SS18: variants seen among roughly 807,000 people sequenced by gnomAD.
SS18 encodes the protein protein SSXT.
A neutral mutation model predicts 72.5 loss-of-function variants in SS18; 28 were observed. The ratio of observed to expected loss-of-function variants is 0.39; its 90% confidence interval spans 0.29 to 0.53. The LOEUF (loss-of-function observed/expected upper bound fraction) is 0.53, where lower values mean the gene tolerates loss of function less well. Among genes scored for constraint, SS18 ranks in the 20% least tolerant of loss-of-function variants. The pLI is 0.76. For missense variants in SS18, 518 were observed against 535.3 expected, an observed-to-expected ratio of 0.97 and a Z score of 0.32; for synonymous variants, 172 against 164.2, an observed-to-expected ratio of 1.05 and a Z score of -0.37.
intron 7 of SS18, among the ~76,000 whole-genome samples, chr18:26,036,886 T>A (rs1375151081): frequency 6.6e-6 from 1 of 152,144 alleles, no homozygotes; most frequent in East Asian, 1.9e-4. Flanking sequence ...AATACAGTCA[T>A]GCCTATTCAT....
At position 26,035,919 on chromosome 18, in the gene SS18, AT is replaced by A; in HGVS notation, c.884del (p.His295LeufsTer132). On this transcript the variant is annotated frameshift_variant, in exon 8 of 11. Coordinates refer to ENST00000415083, the MANE Select transcript of SS18 (RefSeq NM_001007559.3). LOFTEE classifies it high-confidence loss of function. The surrounding 1 kb of genome is among the most constrained non-coding windows in gnomAD (Gnocchi z 4.4). ...ACGGTTGCTGATAACCGTAATCATT[AT>A]GACCTACATCAATTCGACAAGAGAC... ...GMNQQYYPDG[H>X]NDYGYQQPSY... 1 of 1,595,722 alleles carries A rather than the reference AT, an allele frequency of 6.3e-7. No individual in the cohort carries two copies. Among genetic ancestry groups the A allele is most frequent in the Non-Finnish European group, 8.6e-7 (1 of 1,168,476 alleles).
At chr18:26,061,315 A>AAAAT (rs71169808) in intron 3 of SS18, among the ~76,000 whole-genome samples, 2 of 152,194 alleles carry the variant, frequency 1.3e-5, no homozygotes, top group Non-Finnish European at 2.9e-5. Context: ...TCCGTCTCAA[A>AAAAT]AAATAAATAA....
chr18:26,042,366 C>T (rs1343826969), intron 5 of SS18, among the ~76,000 whole-genome samples: 1 of 152,066 alleles, frequency 6.6e-6, no homozygotes, highest in Non-Finnish European at 1.5e-5. Flanking sequence ...CACTACAAAG[C>T]GTGATAATAC....
chr18:26,042,183 G>A (rs1234428714), intron 5 of SS18, among the ~76,000 whole-genome samples: 2 of 152,106 alleles, frequency 1.3e-5, no homozygotes, highest in African/African-American at 2.4e-5. Flanking sequence ...ACTAAGAGAA[G>A]CAAACTCAAA....
chr18:26,077,754 T>C lies in SS18; in HGVS notation c.231+322A>G, dbSNP rs540126356. Reference sequence around the variant, plus strand: ...CAGAGATGCATATGGAAATACAGTATTTACTGGTCAAACTGTAAGATGTCT... The same window carrying C: ...CAGAGATGCATATGGAAATACAGTACTTACTGGTCAAACTGTAAGATGTCT... On this transcript the variant is annotated intron_variant, in intron 3 of 10. Coordinates refer to ENST00000415083, the MANE Select transcript of SS18 (RefSeq NM_001007559.3). 5.3e-5 allele frequency among the ~76,000 whole-genome samples: 8 copies of C among 152,226 alleles called. No homozygotes were observed. In the East Asian group the frequency reaches 1.4e-3, roughly 26 times the overall value.
chr18:26,018,363 G>T lies in SS18; in HGVS notation c.1248C>A (p.Tyr416Ter). ...YGYDQGQYGNYQQ is the reference protein window; with the variant it reads ...YGYDQGQYGN ...GAATGTAAGTACTTTTTCACTGCTG[G>T]TAATTTCCATACTGTCCCTAAAAGA... Residue 416 changes from tyrosine (Y) to a stop codon, truncating the protein, a stop_gained, in exon 11 of 11, where the codon TAC (tyrosine) becomes TAA (stop). Transcript: ENST00000415083. LOFTEE classifies it high-confidence loss of function. 1 of 1,599,990 alleles carries T rather than the reference G, an allele frequency of 6.3e-7. No homozygotes were observed. Among genetic ancestry groups the T allele is most frequent in the Non-Finnish European group, 8.6e-7 (1 of 1,168,010 alleles).
chr18:26,087,270 T>C (rs1319056195), intron 2 of SS18, among the ~76,000 whole-genome samples: 1 of 152,134 alleles, frequency 6.6e-6, no homozygotes, highest in Non-Finnish European at 1.5e-5. Context: ...TGGGGGATAG[T>C]GACTGCCAAA....
chr18:26,078,704 G>A (rs770315408), intron 2 of SS18, among the ~76,000 whole-genome samples: 11 of 152,078 alleles, frequency 7.2e-5, no homozygotes, highest in East Asian at 1.9e-4. Context: ...TGGCCAACAC[G>A]GTGAAACCCC....
intron 4 of SS18, among the ~76,000 whole-genome samples, chr18:26,053,664 G>A (rs2053962785): frequency 6.6e-6 from 1 of 150,502 alleles, no homozygotes; most frequent in South Asian, 2.1e-4. Context: ...ATGAGGGAAT[G>A]ACTAGTTCAC....
intron 10 of SS18, among the ~76,000 whole-genome samples, chr18:26,024,917 C>T (rs1459696620): frequency 1.3e-5 from 2 of 150,896 alleles, no homozygotes; most frequent in Admixed American, 1.3e-4. Context: ...ATGCTGTCTA[C>T]TTGAAATATA....
chr18:26,067,702 G>A (rs1236158132), intron 3 of SS18, among the ~76,000 whole-genome samples: 5 of 152,160 alleles, frequency 3.3e-5, no homozygotes, highest in South Asian at 4.1e-4. Flanking sequence ...TGGTAAAGAC[G>A]ACGAGCTGCG....
At chr18:26,032,646 A>G (rs1285341846) in intron 9 of SS18, 114 bp from the exon 10 acceptor site, 1 of 1,218,524 alleles carries the variant, frequency 8.2e-7, no homozygotes, top group Non-Finnish European at 1.1e-6. Context: ...CTAAAAAAAG[A>G]TAGTTTGGTA....
In SS18 at chr18:26,060,904, T is replaced by A. The variant is rs141988942; in HGVS notation, c.232-3162A>T. ...CTGGGAGGTGGAGGCTGCAGTGAGC[T>A]GAGATCGCATCACTGCACTCCAGCC... is the stretch of plus-strand genomic sequence containing the variant. On this transcript the variant is annotated intron_variant, in intron 3 of 10. Transcript: ENST00000415083. Among the ~76,000 whole-genome samples, 281 of 144,956 alleles carry A rather than the reference T, an allele frequency of 1.9e-3. 4 individuals carry two copies. Among genetic ancestry groups the A allele is most frequent in the Non-Finnish European group, 1.5e-3 (98 of 66,772 alleles).
chr18:26,031,907 G>A (rs891642876), intron 10 of SS18, among the ~76,000 whole-genome samples: 1 of 152,136 alleles, frequency 6.6e-6, no homozygotes, highest in Non-Finnish European at 1.5e-5. Flanking sequence ...CCACATCTCA[G>A]TAGGTTAAGG....
At position 26,035,577 on chromosome 18, in the gene SS18, A is replaced by AT. The variant is rs1485000721; in HGVS notation, c.973+253dup. ...TGATGGATTTATGTTCAAATAGAAA[A>AT]TTTCCACTGAGGAAAAAATTATCTT... is the stretch of plus-strand genomic sequence containing the variant. On this transcript the variant is annotated intron_variant, in intron 8 of 10. Coordinates refer to ENST00000415083, the MANE Select transcript of SS18 (RefSeq NM_001007559.3). This position sits in a 1 kb window ranked among gnomAD's most constrained non-coding sequence, Gnocchi z 4.4. 1.4e-5 allele frequency: 5 copies of AT among 347,258 alleles called. No individual in the cohort carries two copies. The highest frequency in any genetic ancestry group is 4.3e-5 in the Admixed American group (1 of 23,106). The allele number at this position is 347,258 out of a possible 1,614,324, so 21.5% of individuals were successfully genotyped here.
chr18:26,036,341 A>T (rs1393352876), intron 7 of SS18, among the ~76,000 whole-genome samples: 3 of 152,194 alleles, frequency 2.0e-5, no homozygotes, highest in African/African-American at 4.8e-5. Context: ...TGCTAAAAAC[A>T]ATGCAAAATA....
At chr18:26,032,269 C>T (rs531435653) in intron 10 of SS18, 130 bp downstream of exon 10, 8 of 1,084,214 alleles carry the variant, frequency 7.4e-6, no homozygotes, top group Non-Finnish European at 1.1e-5. Context: ...TTTTTGTTAA[C>T]AAATGTACCA....
At chr18:26,051,321 G>T (rs2053919876) in intron 5 of SS18, among the ~76,000 whole-genome samples, 1 of 152,086 alleles carries the variant, frequency 6.6e-6, no homozygotes. Flanking sequence ...ATAAAAGTTG[G>T]TCCCTAAGAA....
intron 3 of SS18, among the ~76,000 whole-genome samples, chr18:26,065,823 A>ATATATATATATATG (rs1283039516): frequency 1.4e-5 from 2 of 143,308 alleles, no homozygotes; most frequent in East Asian, 4.0e-4. Context: ...ATATATATAT[A>ATATATATATATATG]TGATCATTTT....
Sources: allele counts gnomAD v4.1 joint callset (sites outside exome capture counted in the v4.1 genomes callset), GRCh38; gene constraint gnomAD v4.1.1; non-coding constraint Gnocchi (gnomAD v3.1); transcripts MANE v1.5; gene names NCBI Gene and HGNC (gene_info 2026-07-23, HGNC 2026-07-21).